Variants in AXIN1 observed in about 807,000 individuals in gnomAD.
The protein encoded by AXIN1 is axin 1.
A neutral mutation model predicts 76.4 loss-of-function variants in AXIN1; 30 were observed. That is an observed-to-expected ratio of 0.39 (90% CI 0.29 to 0.53). The LOEUF is 0.53. Ranked by LOEUF, AXIN1 falls within the 20% of genes least tolerant of loss-of-function variation. The pLI is 0.66. For missense variants in AXIN1, 1,140 were observed against 1,198.8 expected (o/e 0.95, Z 0.72); for synonymous variants, 545 against 501.4 (o/e 1.09, Z -1.16).
rs1206556157 is a variant in AXIN1, at chr16:287,539, C to T, written c.*583G>A. The T allele has an allele frequency of 9.8e-6, 3 of 305,238 alleles. No individual in the cohort carries two copies. Among genetic ancestry groups the T allele is most frequent in the Admixed American group, 4.7e-5 (1 of 21,438 alleles). The allele number at this position is 305,238 out of a possible 1,614,324, so 18.9% of individuals were successfully genotyped here. A position where few individuals can be genotyped will look rare whatever the true frequency, so the allele number is the denominator to read the frequency against. ...CGCATGAAAAACAGACTCGGGCAGC[C>T]CCTGCTGGCCTAGCCTGAGAAATGT... is the stretch of plus-strand genomic sequence containing the variant. On this transcript the variant is annotated 3_prime_UTR_variant, in exon 11 of 11. Coordinates refer to ENST00000262320, the MANE Select transcript of AXIN1 (RefSeq NM_003502.4).
intron 2 of AXIN1, among the ~76,000 whole-genome samples, chr16:343,339 C>A (rs993965123): frequency 1.3e-5 from 2 of 152,206 alleles, no homozygotes; most frequent in Non-Finnish European, 2.9e-5. Flanking sequence ...GGGGTTCCAA[C>A]AGTGGAAATC....
chr16:343,827 G>GA lies in AXIN1; in HGVS notation c.878+2320dup, dbSNP rs56819976. ...TCGAGACCATCCTGGCCAACGTGGC[G>GA]AAACGCTGTCTCTACCACAAATACA... is the stretch of plus-strand genomic sequence containing the variant. On this transcript the variant is annotated intron_variant, in intron 2 of 10. Transcript: ENST00000262320. Among the ~76,000 whole-genome samples, 593 of 150,414 alleles carry GA rather than the reference G, an allele frequency of 3.9e-3. 17 individuals carry two copies. In the East Asian group the frequency reaches 0.066, roughly 17 times the overall value.
chr16:346,235 G>T lies in AXIN1; in HGVS notation c.791C>A (p.Pro264His), dbSNP rs1417993403. The T allele has an allele frequency of 6.2e-7, 1 of 1,614,136 alleles. No homozygotes were observed. The highest frequency in any genetic ancestry group is 1.7e-5 in the Admixed American group (1 of 60,024). Residue 264 changes from proline (P) to histidine (H), a missense_variant, in exon 2 of 11, where the codon CCC (proline) becomes CAC (histidine). Physicochemically the swap from Pro to His is moderately conservative, Grantham distance 77. Coordinates refer to ENST00000262320, the MANE Select transcript of AXIN1 (RefSeq NM_003502.4). ...GAGCAGCTTCTGAGGGAGTCTTCCG[G>T]GGGGAGCAGCGTCTCTGCCATCGTC... ...DEDDGRDAAP[P>H]GRLPQKLLLE...
chr16:341,787 C>A (rs1042722955), intron 2 of AXIN1, among the ~76,000 whole-genome samples: 1 of 152,228 alleles, frequency 6.6e-6, no homozygotes, highest in Admixed American at 6.5e-5. Context: ...GTATCTAGCA[C>A]AAGGTTTGTA....
At chr16:332,553 G>A (rs2053715097) in intron 2 of AXIN1, among the ~76,000 whole-genome samples, 2 of 150,508 alleles carry the variant, frequency 1.3e-5, no homozygotes, top group East Asian at 1.9e-4. Context: ...TCCAGGCTGG[G>A]CGAAAGAGCG....
intron 5 of AXIN1, among the ~76,000 whole-genome samples, chr16:302,307 G>A (rs1383272753): frequency 2.6e-5 from 4 of 152,248 alleles, no homozygotes; most frequent in African/African-American, 7.2e-5. Flanking sequence ...CCTGGAGCTG[G>A]CACCACCCAC....
chr16:350,820 C>T (rs531013271), intron 1 of AXIN1, among the ~76,000 whole-genome samples: 1 of 152,290 alleles, frequency 6.6e-6, no homozygotes, highest in South Asian at 2.1e-4. Flanking sequence ...CATCCTTGTC[C>T]CTGAATGGAG....
chr16:288,125 GTCCACCTTC>G lies in AXIN1; in HGVS notation c.2577_2585del (p.Glu859_Val861del). On this transcript the variant is annotated inframe_deletion, in exon 11 of 11. Transcript: ENST00000262320. ...CAGCGGCCAGCCCACCAGCCTATCA[GTCCACCTTC>G]TCCACTTTGCCGATGATCTTCTCCT... The G allele has an allele frequency of 6.2e-7, 1 of 1,613,394 alleles. No individual in the cohort carries two copies. Among genetic ancestry groups the G allele is most frequent in the Non-Finnish European group, 8.5e-7 (1 of 1,180,010 alleles).
At chr16:314,408 T>C in intron 3 of AXIN1, 135 bp downstream of exon 3, 6 of 1,387,462 alleles carry the variant, frequency 4.3e-6, no homozygotes, top group Non-Finnish European at 6.0e-6. Context: ...GGGTGGGACT[T>C]ACACGCTGCC....
At chr16:336,167 G>A (rs775814907) in intron 2 of AXIN1, among the ~76,000 whole-genome samples, 3 of 152,154 alleles carry the variant, frequency 2.0e-5, no homozygotes, top group South Asian at 2.1e-4. Flanking sequence ...CCCAGGAGGC[G>A]GAGGTTGCAG....
intron 5 of AXIN1, 22 bp downstream of exon 5, chr16:304,282 G>T (rs202224436): frequency 6.2e-7 from 1 of 1,608,886 alleles, no homozygotes; most frequent in South Asian, 1.1e-5. Flanking sequence ...CGCGGAGCGC[G>T]ACACCGACGC....
At chr16:324,716 G>A (rs550587764) in intron 2 of AXIN1, among the ~76,000 whole-genome samples, 3 of 152,062 alleles carry the variant, frequency 2.0e-5, no homozygotes, top group African/African-American at 4.8e-5. Flanking sequence ...CCAGGTGAGC[G>A]GTCCAATCCT....
At chr16:294,403 C>T (rs563223560) in intron 7 of AXIN1, among the ~76,000 whole-genome samples, 1 of 132,060 alleles carries the variant, frequency 7.6e-6, no homozygotes, top group South Asian at 2.5e-4. Flanking sequence ...GCAGAGGTTG[C>T]GGTGAGCTGA....
intron 8 of AXIN1, 166 bp from the exon 9 acceptor site, chr16:291,463 C>A: frequency 1.5e-6 from 1 of 668,712 alleles, no homozygotes; most frequent in East Asian, 2.7e-5. Flanking sequence ...CGAGTCCCCT[C>A]CTAGGCCTGC....
rs1241328707 is a variant in AXIN1, at chr16:346,561, G to A, written c.465C>T (p.Ile155=). The change falls in exon 2 of 11, where the codon ATC becomes ATT. Residue 155 remains isoleucine (I), a synonymous_variant. Transcript: ENST00000262320. ...YRKYILDNNG[I]VSRQTKPATK... is the part of the protein sequence containing the mutation. ...TGGCTGGCTTGGTCTGCCGGGACAC[G>A]ATGCCATTGTTATCAAGAATGTACT... The A allele has an allele frequency of 1.2e-5, 20 of 1,613,390 alleles. No homozygotes were observed. The highest frequency in any genetic ancestry group is 3.3e-5 in the Admixed American group (2 of 59,926).
intron 2 of AXIN1, among the ~76,000 whole-genome samples, chr16:342,719 G>A (rs2053954707): frequency 6.6e-6 from 1 of 152,232 alleles, no homozygotes; most frequent in Non-Finnish European, 1.5e-5. Context: ...ATCCGTCAGA[G>A]CTGCGGGAAG....
rs973132066 is a variant in AXIN1, at chr16:289,320, C to A, written c.2462+120G>T. The A allele has an allele frequency of 2.2e-4, 297 of 1,341,630 alleles. No homozygotes were observed. In the Admixed American group the frequency reaches 5.2e-3, roughly 23 times the overall value. The allele number at this position is 1,341,630 out of a possible 1,614,324, so 83.1% of individuals were successfully genotyped here. Reference sequence around the variant, plus strand: ...AGCTGAGGCAATCCGCCCACCTCAGCCTCCCAAAGTGCCAGGATTAGGACG... The same window carrying A: ...AGCTGAGGCAATCCGCCCACCTCAGACTCCCAAAGTGCCAGGATTAGGACG... On this transcript the variant is annotated intron_variant, in intron 10 of 10. Coordinates refer to ENST00000262320, the MANE Select transcript of AXIN1 (RefSeq NM_003502.4).
At chr16:318,563 G>T (rs936570836) in intron 2 of AXIN1, among the ~76,000 whole-genome samples, 1 of 152,152 alleles carries the variant, frequency 6.6e-6, no homozygotes, top group Non-Finnish European at 1.5e-5. Flanking sequence ...GACCAAGAAC[G>T]TTCTGGTCAA....
At chr16:313,559 A>G (rs545464835) in intron 3 of AXIN1, among the ~76,000 whole-genome samples, 1 of 152,290 alleles carries the variant, frequency 6.6e-6, no homozygotes, top group East Asian at 1.9e-4. Context: ...GCTTCCTCCA[A>G]TGCTGAGGCT....
Sources: gnomAD v4.1 joint callset for allele counts (sites outside exome capture counted in the v4.1 genomes callset) on GRCh38, gnomAD v4.1.1 for gene constraint, MANE v1.5 for transcripts, NCBI Gene and HGNC (gene_info 2026-07-23, HGNC 2026-07-21) for gene names.